The following UNC13C variants were observed in gnomAD, a reference collection of about 807,000 sequenced individuals.
The protein encoded by UNC13C is protein unc-13 homolog C.
In UNC13C, 174 loss-of-function variants were observed where a neutral mutation model predicts 245.4. The ratio of observed to expected loss-of-function variants is 0.71; its 90% confidence interval spans 0.63 to 0.80. UNC13C has a LOEUF of 0.80. UNC13C is among the 30% of genes least tolerant of loss of function. The pLI is 0.00. For synonymous variants in UNC13C, 992 were observed against 895.1 expected (o/e 1.11, Z -1.93); for missense variants, 2,829 against 2,602.9 (o/e 1.09, Z -1.89).
chr15:54,153,583 A>G (rs1030910156), intron 4 of UNC13C, among the ~76,000 whole-genome samples: 5 of 152,166 alleles, frequency 3.3e-5, no homozygotes, highest in Admixed American at 6.5e-5. Context: ...AATTGATACA[A>G]TTTTACACAT....
At position 54,397,393 on chromosome 15, in the gene UNC13C, G is replaced by A. The variant is rs1023552572; in HGVS notation, c.4847+4212G>A. ...ATCTGTTCCACTGATCTATATAGCC[G>A]TAATTACACCAGTACTGCATGTCTT... On this transcript the variant is annotated intron_variant, in intron 18 of 32. Coordinates refer to ENST00000260323, the MANE Select transcript of UNC13C (RefSeq NM_001080534.3). Among the ~76,000 whole-genome samples, 38 of 151,496 alleles carry A rather than the reference G, an allele frequency of 2.5e-4. 1 individual carries two copies. The highest frequency in any genetic ancestry group is 7.9e-4 in the Admixed American group (12 of 15,170).
intron 4 of UNC13C, among the ~76,000 whole-genome samples, chr15:54,189,116 AT>A (rs1189689409): frequency 6.6e-6 from 1 of 152,168 alleles, no homozygotes; most frequent in Non-Finnish European, 1.5e-5. Flanking sequence ...AGGATAACTC[AT>A]TGCCTATTAT....
the UNC13C span, among the ~76,000 whole-genome samples, chr15:53,922,238 C>A: frequency 6.6e-6 from 1 of 152,182 alleles, no homozygotes; most frequent in Non-Finnish European, 1.5e-5. Context: ...TTCTCTGCAA[C>A]ACAGTCTCCT....
intron 4 of UNC13C, among the ~76,000 whole-genome samples, chr15:54,226,445 A>T (rs1478375277): frequency 1.3e-5 from 2 of 152,080 alleles, no homozygotes; most frequent in Non-Finnish European, 2.9e-5. Flanking sequence ...GCTTTTATTG[A>T]TTTGTAGTGT....
chr15:54,284,109 T>G (rs1480831523), intron 10 of UNC13C, among the ~76,000 whole-genome samples: 1 of 152,202 alleles, frequency 6.6e-6, no homozygotes, highest in East Asian at 1.9e-4. Context: ...GATGTTTAGC[T>G]CTTTGTTCTA....
the UNC13C span, among the ~76,000 whole-genome samples, chr15:53,917,308 C>T: frequency 6.6e-6 from 1 of 152,120 alleles, no homozygotes; most frequent in Admixed American, 6.5e-5. Context: ...AGTAGCTAGT[C>T]TCATAGTATC....
At chr15:54,493,505 T>C (rs1364709569) in intron 19 of UNC13C, among the ~76,000 whole-genome samples, 1 of 152,150 alleles carries the variant, frequency 6.6e-6, no homozygotes, top group East Asian at 1.9e-4. Context: ...ATGTTCACGA[T>C]TGGGATTTTA....
chr15:53,871,765 G>T, the UNC13C span, among the ~76,000 whole-genome samples: 1 of 152,104 alleles, frequency 6.6e-6, no homozygotes, highest in Admixed American at 6.6e-5. Flanking sequence ...CTTCATGCTC[G>T]CCTAGCATCT....
At chr15:54,612,033 T>A (rs958079640) in intron 30 of UNC13C, among the ~76,000 whole-genome samples, 1 of 151,974 alleles carries the variant, frequency 6.6e-6, no homozygotes, top group African/African-American at 2.4e-5. Flanking sequence ...AATAAGTTTA[T>A]TTCTCATTTT....
At chr15:54,589,275 A>ATCTTCT (rs763547702) in intron 30 of UNC13C, among the ~76,000 whole-genome samples, 2 of 95,132 alleles carry the variant, frequency 2.1e-5, no homozygotes, top group African/African-American at 7.6e-5. Flanking sequence ...CCATTTGTAT[A>ATCTTCT]TCTTCTTCTT....
At chr15:53,993,283 G>C (rs2140962986) in intron 1 of UNC13C, among the ~76,000 whole-genome samples, 1 of 152,204 alleles carries the variant, frequency 6.6e-6, no homozygotes, top group Admixed American at 6.6e-5. Context: ...ATGCCAATAT[G>C]GTCCCTGTAT....
At chr15:54,250,074 T>G (rs2036103125) in intron 7 of UNC13C, 151 bp from the exon 8 acceptor site, 3 of 722,368 alleles carry the variant, frequency 4.2e-6, no homozygotes, top group Non-Finnish European at 7.1e-6. Flanking sequence ...AGAGTTATTA[T>G]GCTTACTGTC....
rs187492960 is a variant in UNC13C at position 54,151,589 on chromosome 15, A to G, written c.3071+7905A>G. On this transcript the variant is annotated intron_variant, in intron 4 of 32. Transcript: ENST00000260323. ...GGCTAATTTTTTTGTATTTTAGTAGAGATGGGGTTTCACCAAGTTGCCCAG... is the reference window on the plus strand; with the variant it reads ...GGCTAATTTTTTTGTATTTTAGTAGGGATGGGGTTTCACCAAGTTGCCCAG... Among the ~76,000 whole-genome samples, 17 of 152,178 alleles carry G rather than the reference A, an allele frequency of 1.1e-4. No individual in the cohort carries two copies. The East Asian group carries it at 3.3e-3, about 30-fold the overall frequency.
intron 17 of UNC13C, among the ~76,000 whole-genome samples, chr15:54,366,261 A>G (rs2039363063): frequency 6.6e-6 from 1 of 152,196 alleles, no homozygotes. Flanking sequence ...TATAACAGAT[A>G]TATTTCCATA....
At chr15:54,075,981 C>T (rs1898590857) in intron 2 of UNC13C, among the ~76,000 whole-genome samples, 1 of 150,988 alleles carries the variant, frequency 6.6e-6, no homozygotes, top group African/African-American at 2.4e-5. Context: ...TTCAAAGTCA[C>T]ACAGCTAGTT....
At chr15:54,219,909 C>T (rs1193006789) in intron 4 of UNC13C, among the ~76,000 whole-genome samples, 2 of 151,644 alleles carry the variant, frequency 1.3e-5, no homozygotes, top group Non-Finnish European at 2.9e-5. Context: ...CCAACTCACA[C>T]CAGTTAGAAT....
rs144923391 is a variant in UNC13C, at chr15:54,101,911, C to G, written c.2984-41107C>G. 8.7e-3 allele frequency among the ~76,000 whole-genome samples: 1,318 copies of G among 151,704 alleles called. 11 individuals carry two copies. Among genetic ancestry groups the G allele is most frequent in the South Asian group, 0.017 (79 of 4,776 alleles). On this transcript the variant is annotated intron_variant, in intron 2 of 32. Coordinates refer to ENST00000260323, the MANE Select transcript of UNC13C (RefSeq NM_001080534.3). ...CCTCCCCATTCTTATACTTGGGTAA[C>G]CTAGAGAGCCAAAGAACAGATTTCA...
intron 19 of UNC13C, among the ~76,000 whole-genome samples, chr15:54,430,859 T>C (rs1322839419): frequency 6.6e-6 from 1 of 151,752 alleles, no homozygotes; most frequent in Non-Finnish European, 1.5e-5. Context: ...AAATAGCTAA[T>C]GTAACTGAGG....
chr15:53,871,539 A>G, the UNC13C span, among the ~76,000 whole-genome samples: 6 of 151,962 alleles, frequency 3.9e-5, no homozygotes, highest in East Asian at 9.6e-4. Context: ...ACTTGAGGGA[A>G]GGTCTATTTT....
Sources: gnomAD v4.1 joint callset for allele counts (sites outside exome capture counted in the v4.1 genomes callset) on GRCh38, gnomAD v4.1.1 for gene constraint, MANE v1.5 for transcripts, NCBI Gene and HGNC (gene_info 2026-07-23, HGNC 2026-07-21) for gene names.